FAM228A: variants seen among roughly 807,000 people sequenced by gnomAD.
FAM228A encodes protein FAM228A.
FAM228A carries 13 observed loss-of-function variants against 18.6 expected under a neutral mutation model. The observed-to-expected ratio is 0.70, with a 90% CI of 0.45 to 1.11. FAM228A has a LOEUF of 1.11. Among genes scored for constraint, FAM228A ranks in the 50% least tolerant of loss-of-function variants. The probability of loss-of-function intolerance (pLI) is 0.00; values close to 1 mark genes in which losing one functional copy is unlikely to be tolerated. For missense variants in FAM228A, 240 were observed against 242.2 expected (o/e 0.99, Z 0.06); for synonymous variants, 77 against 86.6 (o/e 0.89, Z 0.61).
chr2:24,182,716 T>C (rs920678632), intron 3 of FAM228A, among the ~76,000 whole-genome samples: 10 of 152,166 alleles, frequency 6.6e-5, no homozygotes, highest in Non-Finnish European at 1.3e-4. Flanking sequence ...GGATTGTCAC[T>C]GGATGACTAG....
Position 24,177,620 on chromosome 2 carries a change from A to G in FAM228A, c.94-182A>G, listed in dbSNP as rs558347273. On this transcript the variant is annotated intron_variant, in intron 2 of 5. Coordinates refer to ENST00000295150, the MANE Select transcript of FAM228A (RefSeq NM_001040710.3). ...TTGGATGAAATAAGATTGACTTGGA[A>G]TTAATCACTCGAGCCTGGCTGACAA... Among the ~76,000 whole-genome samples, 3 of 152,274 alleles carry G rather than the reference A, an allele frequency of 2.0e-5. No homozygotes were observed. In the South Asian group the frequency reaches 6.2e-4, roughly 32 times the overall value.
chr2:24,183,745 T>C, intron 5 of FAM228A, 100 bp downstream of exon 5: 1 of 931,348 alleles, frequency 1.1e-6, no homozygotes. Flanking sequence ...CTTTTAGTAG[T>C]TTATAGTTTT....
chr2:24,190,439 G>A lies in FAM228A; in HGVS notation c.429G>A (p.Lys143=). ...YSPEKLIYAD[K]KQKRKEKKTA... is the part of the protein sequence containing the mutation. ...CTGAAAAGCTCATCTATGCAGACAA[G>A]AAACAGAAAAGAAAAGAGAAAAAGA... Residue 143 remains lysine (K), a synonymous_variant, in exon 6 of 6, where the codon AAG becomes AAA. Transcript: ENST00000295150. 1 of 1,613,546 alleles carries A rather than the reference G, an allele frequency of 6.2e-7. No individual in the cohort carries two copies. Among genetic ancestry groups the A allele is most frequent in the African/African-American group, 1.3e-5 (1 of 74,934 alleles).
chr2:24,190,283 G>C, intron 5 of FAM228A, 129 bp from the exon 6 acceptor site: 1 of 1,147,274 alleles, frequency 8.7e-7, no homozygotes, highest in Non-Finnish European at 1.2e-6. Flanking sequence ...ACAGCCACCA[G>C]TGATGGCTGG....
chr2:24,183,377 T>C lies in FAM228A; in HGVS notation c.250+5T>C, dbSNP rs780762114. 5 of 1,613,254 alleles carry C rather than the reference T, an allele frequency of 3.1e-6. No homozygotes were observed. The highest frequency in any genetic ancestry group is 4.2e-6 in the Non-Finnish European group (5 of 1,179,290). ...CTGGTCTTCAGTGTGAGACAGGTGC[T>C]TTGTGATCACTGGGCCTCATTTTTT... On this transcript the variant is annotated splice_donor_5th_base_variant and intron_variant, in intron 4 of 5. Coordinates refer to ENST00000295150, the MANE Select transcript of FAM228A (RefSeq NM_001040710.3).
chr2:24,184,945 C>T (rs1446952695), intron 5 of FAM228A, among the ~76,000 whole-genome samples: 3 of 151,798 alleles, frequency 2.0e-5, no homozygotes, highest in Non-Finnish European at 2.9e-5. Flanking sequence ...GCCTCAGCCT[C>T]CTGAGTAGCT....
At position 24,191,162 on chromosome 2, in the gene FAM228A, T is replaced by C. The variant is rs1214057494; in HGVS notation, c.*531T>C. On this transcript the variant is annotated 3_prime_UTR_variant, in exon 6 of 6. Transcript: ENST00000295150. Reference sequence around the variant, plus strand: ...TTCATTTGACACAGTTTTCAGCTCCTGGTCTATTTCCCCTTCCATTCTCTC... The same window carrying C: ...TTCATTTGACACAGTTTTCAGCTCCCGGTCTATTTCCCCTTCCATTCTCTC... 3 of 985,536 alleles carry C rather than the reference T, an allele frequency of 3.0e-6. No homozygotes were observed. The African/African-American group carries it at 5.2e-5, about 17-fold the overall frequency. The allele number at this position is 985,536 out of a possible 1,614,324, so 61.0% of individuals were successfully genotyped here. A position where few individuals can be genotyped will look rare whatever the true frequency, so the allele number is the denominator to read the frequency against.
At chr2:24,176,376 G>T (rs1256992789) in intron 2 of FAM228A, among the ~76,000 whole-genome samples, 1 of 152,120 alleles carries the variant, frequency 6.6e-6, no homozygotes, top group Non-Finnish European at 1.5e-5. Context: ...TTAGAGACAG[G>T]TTCTTGCTCT....
intron 5 of FAM228A, chr2:24,188,756 A>G (rs1668013597): frequency 1.5e-6 from 1 of 667,602 alleles, no homozygotes. Context: ...AAAGCTGTCC[A>G]GTGATTTTAA....
In FAM228A at chr2:24,190,604, C is replaced by T. The variant is rs146891535; in HGVS notation, c.594C>T (p.His198=). Reference sequence around the variant, plus strand: ...GGCATGCAGGGCTTTGCAGCACCCACGAGCAGCACATACTGGTTCCAGAAT... The same window carrying T: ...GGCATGCAGGGCTTTGCAGCACCCATGAGCAGCACATACTGGTTCCAGAAT... ...RGWHAGLCST[H]EQHILVPE Residue 198 remains histidine, a synonymous_variant, in exon 6 of 6, where the codon CAC becomes CAT. Transcript: ENST00000295150. 967 of 1,588,616 alleles carry T rather than the reference C, an allele frequency of 6.1e-4. 4 individuals are homozygous for T. Among genetic ancestry groups the T allele is most frequent in the African/African-American group, 3.9e-3 (286 of 73,678 alleles).
chr2:24,179,229 T>C lies in FAM228A; in HGVS notation c.162+1359T>C, dbSNP rs746390074. On this transcript the variant is annotated intron_variant, in intron 3 of 5. Coordinates refer to ENST00000295150, the MANE Select transcript of FAM228A (RefSeq NM_001040710.3). ...CTTCAGCAGAGAATTATGGAAAAAG[T>C]AATTTCATATAAAGAGCTTAAAATG... The C allele has an allele frequency of 2.0e-5, 19 of 956,706 alleles. No homozygotes were observed. In the South Asian group the frequency reaches 3.1e-4, roughly 15 times the overall value. The allele number at this position is 956,706 out of a possible 1,614,324, so 59.3% of individuals were successfully genotyped here. A position where few individuals can be genotyped will look rare whatever the true frequency, so the allele number is the denominator to read the frequency against.
intron 3 of FAM228A, 141 bp downstream of exon 3, chr2:24,178,011 T>C: frequency 1.8e-6 from 1 of 570,726 alleles, no homozygotes; most frequent in South Asian, 2.6e-5. Context: ...ATTTACTTGT[T>C]TGTACTACAT....
At position 24,190,657 on chromosome 2, in the gene FAM228A, G is replaced by C. The variant is rs372327699; in HGVS notation, c.*26G>C. On this transcript the variant is annotated 3_prime_UTR_variant, in exon 6 of 6. Transcript: ENST00000295150. The stretch of plus-strand genomic sequence containing the variant: ...GCCACCGCCACAGCCCTCCCTGTCA[G>C]ACAGGCACCCAAGGGCGGAGGAGGC... The C allele has an allele frequency of 1.4e-5, 22 of 1,517,838 alleles. No homozygotes were observed. The highest frequency in any genetic ancestry group is 1.9e-5 in the Non-Finnish European group (22 of 1,135,082). The allele number at this position is 1,517,838 out of a possible 1,614,324, so 94.0% of individuals were successfully genotyped here. A position where few individuals can be genotyped will look rare whatever the true frequency, so the allele number is the denominator to read the frequency against.
chr2:24,180,662 G>A (rs1308863428), intron 3 of FAM228A, among the ~76,000 whole-genome samples: 2 of 152,188 alleles, frequency 1.3e-5, no homozygotes, highest in Non-Finnish European at 2.9e-5. Flanking sequence ...TGAAGTCCAA[G>A]TAATTTTAAA....
At chr2:24,177,224 G>A (rs1367852238) in intron 2 of FAM228A, among the ~76,000 whole-genome samples, 2 of 152,194 alleles carry the variant, frequency 1.3e-5, no homozygotes, top group Non-Finnish European at 2.9e-5. Context: ...TGGATCACTT[G>A]AGGTCAGGAG....
intron 3 of FAM228A, among the ~76,000 whole-genome samples, chr2:24,178,254 T>C (rs894405881): frequency 1.3e-5 from 2 of 152,198 alleles, no homozygotes; most frequent in Non-Finnish European, 2.9e-5. Flanking sequence ...CAGTAACTGA[T>C]AGTCACTACG....
chr2:24,182,692 C>A (rs539166560), intron 3 of FAM228A, among the ~76,000 whole-genome samples: 2 of 152,156 alleles, frequency 1.3e-5, no homozygotes, highest in African/African-American at 4.8e-5. Context: ...CCTGAGAGGG[C>A]CCCTCTCAGG....
chr2:24,181,684 C>T (rs544391602), intron 3 of FAM228A, among the ~76,000 whole-genome samples: 7 of 152,052 alleles, frequency 4.6e-5, no homozygotes, highest in African/African-American at 1.7e-4. Flanking sequence ...CTGTGCCCGG[C>T]CTACGATCCT....
Position 24,190,887 on chromosome 2 carries a change from TC to T in FAM228A, c.*261del. On this transcript the variant is annotated 3_prime_UTR_variant, in exon 6 of 6. Coordinates refer to ENST00000295150, the MANE Select transcript of FAM228A (RefSeq NM_001040710.3). The stretch of plus-strand genomic sequence containing the variant: ...GGGCCAACCTGGCCACAGGGGCTTT[TC>T]CCCCTGAGATTTCTTCAGCGCCTTC... 4 of 1,187,348 alleles carry T rather than the reference TC, an allele frequency of 3.4e-6. No individual in the cohort carries two copies. Among genetic ancestry groups the T allele is most frequent in the Non-Finnish European group, 4.2e-6 (4 of 957,992 alleles). The allele number at this position is 1,187,348 out of a possible 1,614,324, so 73.6% of individuals were successfully genotyped here. A position where few individuals can be genotyped will look rare whatever the true frequency, so the allele number is the denominator to read the frequency against.
Sources: gnomAD v4.1 joint callset for allele counts (sites outside exome capture counted in the v4.1 genomes callset) on GRCh38, gnomAD v4.1.1 for gene constraint, MANE v1.5 for transcripts, NCBI Gene and HGNC (gene_info 2026-07-23, HGNC 2026-07-21) for gene names.